Variants in SGCD observed in about 807,000 individuals in gnomAD.
SGCD encodes delta-sarcoglycan.
Under a neutral mutation model 36.6 loss-of-function variants are expected in SGCD, and 18 were observed. The observed-to-expected ratio is 0.49, with a 90% CI of 0.34 to 0.73. SGCD has a LOEUF of 0.73. Ranked by LOEUF, SGCD falls within the 30% of genes least tolerant of loss-of-function variation. The probability of loss-of-function intolerance (pLI) is 0.01; values close to 1 mark genes in which losing one functional copy is unlikely to be tolerated. For synonymous variants in SGCD, 133 were observed against 130.6 expected, an observed-to-expected ratio of 1.02 and a Z score of -0.12; for missense variants, 387 against 346.7, an observed-to-expected ratio of 1.12 and a Z score of -0.92.
intron 7 of SGCD, among the ~76,000 whole-genome samples, chr5:156,667,575 A>G (rs1431165781): frequency 2.0e-5 from 3 of 152,228 alleles, no homozygotes; most frequent in African/African-American, 4.8e-5. Context: ...ATAACAGCAT[A>G]GTTATTCAAG....
At chr5:156,724,953 T>A (rs1043750907) in intron 7 of SGCD, among the ~76,000 whole-genome samples, 7 of 152,248 alleles carry the variant, frequency 4.6e-5, no homozygotes, top group African/African-American at 1.7e-4. Flanking sequence ...GTAAGATGAT[T>A]GAAATTCCAG....
intron 4 of SGCD, among the ~76,000 whole-genome samples, chr5:156,515,549 G>A (rs1281662706): frequency 1.3e-5 from 2 of 152,186 alleles, no homozygotes; most frequent in Non-Finnish European, 2.9e-5. Context: ...GAGCAGCACA[G>A]GCAATGGGGA....
intron 3 of SGCD, among the ~76,000 whole-genome samples, chr5:156,454,963 G>A (rs918738363): frequency 1.3e-5 from 2 of 151,998 alleles, no homozygotes; most frequent in Non-Finnish European, 2.9e-5. Flanking sequence ...ACGACAAGAA[G>A]AACCTCCCTT....
chr5:155,915,559 A>T (rs1443214267), intron 1 of SGCD, among the ~76,000 whole-genome samples: 1 of 152,200 alleles, frequency 6.6e-6, no homozygotes, highest in Non-Finnish European at 1.5e-5. Context: ...TGTCTACAAA[A>T]CATAGCATTG....
intron 1 of SGCD, among the ~76,000 whole-genome samples, chr5:156,072,564 T>A (rs1207550495): frequency 6.6e-6 from 1 of 152,050 alleles, no homozygotes; most frequent in Non-Finnish European, 1.5e-5. Context: ...GCCCTTAACA[T>A]TTTTTCCTTC....
the SGCD span, among the ~76,000 whole-genome samples, chr5:155,818,008 A>G: frequency 6.6e-6 from 1 of 152,256 alleles, no homozygotes; most frequent in African/African-American, 2.4e-5. Context: ...AGACTCAGGC[A>G]TGCAGAATAT....
the SGCD span, among the ~76,000 whole-genome samples, chr5:155,837,380 A>T: frequency 6.6e-6 from 1 of 152,044 alleles, no homozygotes; most frequent in African/African-American, 2.4e-5. Context: ...CTGGTCTTGA[A>T]CTTCTGACCT....
intron 4 of SGCD, among the ~76,000 whole-genome samples, chr5:156,512,287 T>C (rs1207535721): frequency 6.6e-6 from 1 of 152,142 alleles, no homozygotes; most frequent in African/African-American, 2.4e-5. Flanking sequence ...TTGAATACTA[T>C]TCTGTACTGA....
intron 3 of SGCD, among the ~76,000 whole-genome samples, chr5:156,256,001 C>A (rs1765706524): frequency 6.6e-6 from 1 of 152,080 alleles, no homozygotes; most frequent in Admixed American, 6.5e-5. Flanking sequence ...TAAAGATACT[C>A]CCACTACACA....
At chr5:156,376,653 T>G (rs990188228) in intron 3 of SGCD, among the ~76,000 whole-genome samples, 1 of 151,370 alleles carries the variant, frequency 6.6e-6, no homozygotes, top group Admixed American at 6.6e-5. Context: ...GTGCATCAGA[T>G]TTTTTTTTAT....
the SGCD span, among the ~76,000 whole-genome samples, chr5:155,831,340 C>T: frequency 6.6e-6 from 1 of 152,170 alleles, no homozygotes. Flanking sequence ...TTCATTTCAT[C>T]TTGTACAATG....
At chr5:156,477,711 T>A (rs896773885) in intron 3 of SGCD, among the ~76,000 whole-genome samples, 3 of 148,798 alleles carry the variant, frequency 2.0e-5, no homozygotes, top group African/African-American at 7.4e-5. Flanking sequence ...AAAAGTGATG[T>A]CAAGGTCATA....
chr5:155,776,525 G>T, the SGCD span, among the ~76,000 whole-genome samples: 1 of 152,058 alleles, frequency 6.6e-6, no homozygotes, highest in African/African-American at 2.4e-5. Flanking sequence ...AAATCCTTAG[G>T]ATGGAAGAAA....
At chr5:156,677,997 G>T (rs778406180) in intron 7 of SGCD, among the ~76,000 whole-genome samples, 2 of 152,170 alleles carry the variant, frequency 1.3e-5, no homozygotes, top group Non-Finnish European at 2.9e-5. Flanking sequence ...TAAATGCTAA[G>T]CCAGTGATTC....
At chr5:155,740,359 T>C in the SGCD span, among the ~76,000 whole-genome samples, 2 of 152,214 alleles carry the variant, frequency 1.3e-5, no homozygotes, top group Non-Finnish European at 2.9e-5. Context: ...CTAGGACCAC[T>C]TGATGTTGAG....
At chr5:156,384,349 A>G (rs948347673) in intron 3 of SGCD, among the ~76,000 whole-genome samples, 10 of 152,164 alleles carry the variant, frequency 6.6e-5, no homozygotes, top group African/African-American at 2.4e-4. Flanking sequence ...GCCTAAATCT[A>G]TGTGAGATGT....
At chr5:156,088,039 C>A (rs765092549) in intron 1 of SGCD, among the ~76,000 whole-genome samples, 1 of 152,122 alleles carries the variant, frequency 6.6e-6, no homozygotes, top group Non-Finnish European at 1.5e-5. Context: ...TGGGATCAGT[C>A]GCTTGCAGCC....
chr5:156,190,484 C>T (rs992724810), intron 3 of SGCD, among the ~76,000 whole-genome samples: 1 of 152,066 alleles, frequency 6.6e-6, no homozygotes. Context: ...AAGTTTTGCC[C>T]TATGTAATTT....
chr5:155,910,819 TCCC>T (rs1367191875), intron 1 of SGCD, among the ~76,000 whole-genome samples: 1 of 152,090 alleles, frequency 6.6e-6, no homozygotes, highest in African/African-American at 2.4e-5. Flanking sequence ...GTGGAAGATA[TCCC>T]CCAATCTTAT....
Sources: gnomAD v4.1 joint callset for allele counts (sites outside exome capture counted in the v4.1 genomes callset) on GRCh38, gnomAD v4.1.1 for gene constraint, MANE v1.5 for transcripts, NCBI Gene and HGNC (gene_info 2026-07-23, HGNC 2026-07-21) for gene names.